The following APLP2 variants were observed in gnomAD, a reference collection of about 807,000 sequenced individuals.
APLP2 encodes the protein CDEI box-binding protein.
APLP2 carries 53 observed loss-of-function variants against 89.9 expected under a neutral mutation model. That is an observed-to-expected ratio of 0.59 (90% CI 0.47 to 0.74). The LOEUF (loss-of-function observed/expected upper bound fraction) is 0.74, where lower values mean the gene tolerates loss of function less well. Ranked by LOEUF, APLP2 falls within the 30% of genes least tolerant of loss-of-function variation. APLP2 has a pLI of 0.00. For synonymous variants in APLP2, 372 were observed against 348.6 expected, an observed-to-expected ratio of 1.07 and a Z score of -0.75; for missense variants, 973 against 975.9, an observed-to-expected ratio of 1.00 and a Z score of 0.04.
Position 130,076,902 on chromosome 11 carries a change from C to T in APLP2, c.105+6820C>T, listed in dbSNP as rs528544033. Among the ~76,000 whole-genome samples, 10 of 152,328 alleles carry T rather than the reference C, an allele frequency of 6.6e-5. No individual in the cohort carries two copies. In the South Asian group the frequency reaches 2.1e-3, roughly 32 times the overall value. On this transcript the variant is annotated intron_variant, in intron 1 of 16. Transcript: ENST00000338167. Reference sequence around the variant, plus strand: ...GCAAGCCTTGGCAAGGGGAATGGTACTGCCTCCACAGGCTTTGACTTCTCA... The same window carrying T: ...GCAAGCCTTGGCAAGGGGAATGGTATTGCCTCCACAGGCTTTGACTTCTCA...
rs749264722 is a variant in APLP2 at position 130,130,147 on chromosome 11, C to T, written c.1565C>T (p.Ala522Val). 6.2e-6 allele frequency: 10 copies of T among 1,614,230 alleles called. No individual in the cohort carries two copies. The highest frequency in any genetic ancestry group is 1.3e-5 in the African/African-American group (1 of 75,066). Residue 522 changes from alanine to valine, a missense_variant, in exon 11 of 17, where the codon GCG becomes GTG. Transcript: ENST00000338167. ...GTGTTGGCTGTTGACCCAGAAAAGG[C>T]GGCCCAGATGAAATCCCAGGTACAG... ...QHVLAVDPEK[A>V]AQMKSQVMTH...
chr11:130,133,401 G>A (rs1951155868), intron 11 of APLP2, among the ~76,000 whole-genome samples: 1 of 152,188 alleles, frequency 6.6e-6, no homozygotes, highest in East Asian at 1.9e-4. Context: ...GGAATTACAG[G>A]TGTGAGCCAC....
At chr11:130,075,432 C>T (rs796299692) in intron 1 of APLP2, among the ~76,000 whole-genome samples, 5 of 152,246 alleles carry the variant, frequency 3.3e-5, no homozygotes, top group African/African-American at 1.2e-4. Flanking sequence ...TTTATTAAAC[C>T]TGTTACATGG....
At chr11:130,081,284 T>C (rs1355938437) in intron 1 of APLP2, among the ~76,000 whole-genome samples, 1 of 152,228 alleles carries the variant, frequency 6.6e-6, no homozygotes, top group Non-Finnish European at 1.5e-5. Context: ...ATGTACAACA[T>C]TCATCCCTCT....
At chr11:130,113,321 G>A (rs1477865782) in intron 3 of APLP2, among the ~76,000 whole-genome samples, 1 of 152,168 alleles carries the variant, frequency 6.6e-6, no homozygotes, top group Admixed American at 6.5e-5. Context: ...GCATGTTACA[G>A]AACCAAGCAA....
At chr11:130,097,919 A>G (rs1424499230) in intron 1 of APLP2, among the ~76,000 whole-genome samples, 1 of 152,202 alleles carries the variant, frequency 6.6e-6, no homozygotes, top group Non-Finnish European at 1.5e-5. Context: ...GTTATTCTTC[A>G]GCAAGGACCA....
intron 1 of APLP2, among the ~76,000 whole-genome samples, chr11:130,084,282 G>T (rs972294839): frequency 6.6e-6 from 1 of 150,800 alleles, no homozygotes. Flanking sequence ...TCTTTTGAGG[G>T]TATCATATTA....
intron 1 of APLP2, among the ~76,000 whole-genome samples, chr11:130,088,817 G>A (rs529156754): frequency 1.2e-4 from 18 of 151,628 alleles, no homozygotes; most frequent in Non-Finnish European, 2.4e-4. Flanking sequence ...AAATAGGGAC[G>A]GCCTTCTTTT....
At chr11:130,135,174 G>A (rs1279447420) in intron 12 of APLP2, among the ~76,000 whole-genome samples, 1 of 152,094 alleles carries the variant, frequency 6.6e-6, no homozygotes, top group Non-Finnish European at 1.5e-5. Context: ...AAAATTTGCC[G>A]AGAGTAGATT....
intron 7 of APLP2, 41 bp from the exon 8 acceptor site, chr11:130,126,659 A>G: frequency 6.2e-7 from 1 of 1,611,026 alleles, no homozygotes; most frequent in Non-Finnish European, 8.5e-7. Flanking sequence ...AGCACAGTGC[A>G]TCTGATCCCA....
At chr11:130,108,222 A>C (rs1046163289) in intron 1 of APLP2, among the ~76,000 whole-genome samples, 4 of 152,218 alleles carry the variant, frequency 2.6e-5, no homozygotes, top group African/African-American at 9.6e-5. Flanking sequence ...AATGGGATCT[A>C]ATTAAACTAA....
intron 1 of APLP2, among the ~76,000 whole-genome samples, chr11:130,091,543 C>A (rs1945205711): frequency 7.0e-6 from 1 of 142,514 alleles, no homozygotes; most frequent in Non-Finnish European, 1.5e-5. Context: ...GGGCGGGGGG[C>A]TGACCCCCCC....
At chr11:130,070,251 G>A (rs1940651048) in intron 1 of APLP2, among the ~76,000 whole-genome samples, 169 bp downstream of exon 1, 1 of 150,948 alleles carries the variant, frequency 6.6e-6, no homozygotes, top group Non-Finnish European at 1.5e-5. Flanking sequence ...GCTTGGCGCA[G>A]TGCTTAGCGC....
At chr11:130,117,086 G>A (rs2135894731) in intron 3 of APLP2, among the ~76,000 whole-genome samples, 1 of 152,064 alleles carries the variant, frequency 6.6e-6, no homozygotes, top group South Asian at 2.1e-4. Flanking sequence ...AGCCAAGATT[G>A]TGCCACTGTA....
At chr11:130,140,613 T>C (rs984349876) in intron 14 of APLP2, 130 bp downstream of exon 14, 27 of 594,378 alleles carry the variant, frequency 4.5e-5, no homozygotes, top group Non-Finnish European at 7.3e-5. Context: ...GTTGGAGGGC[T>C]CCAACGGCTC....
chr11:130,095,199 G>C (rs1946036298), intron 1 of APLP2, among the ~76,000 whole-genome samples: 1 of 152,062 alleles, frequency 6.6e-6, no homozygotes. Context: ...GTAAGATTCT[G>C]TCTCTACAAA....
chr11:130,130,564 G>A (rs901715935), intron 11 of APLP2, among the ~76,000 whole-genome samples: 6 of 152,118 alleles, frequency 3.9e-5, no homozygotes, highest in African/African-American at 1.2e-4. Context: ...GTTTTGTCCA[G>A]CTTTACTTTC....
intron 1 of APLP2, among the ~76,000 whole-genome samples, chr11:130,079,935 T>C (rs998726406): frequency 5.3e-5 from 8 of 152,234 alleles, no homozygotes; most frequent in Non-Finnish European, 1.2e-4. Flanking sequence ...TGAATGAATG[T>C]TGAGTTTTTT....
In APLP2 at chr11:130,110,834, A is replaced by AC. The variant is rs1284945011; in HGVS notation, c.403+175dup. On this transcript the variant is annotated intron_variant, in intron 3 of 16. Coordinates refer to ENST00000338167, the MANE Select transcript of APLP2 (RefSeq NM_001142276.2). ...TGCTGGCTTCGAGTGTCAGTGGTTG[A>AC]CCTCCTCTCAGTGATGGCTAACTCT... Among the ~76,000 whole-genome samples the AC allele has an allele frequency of 3.3e-5, 5 of 151,294 alleles. No homozygotes were observed. The South Asian group carries it at 8.4e-4, about 25-fold the overall frequency.
Sources: allele counts gnomAD v4.1 joint callset (sites outside exome capture counted in the v4.1 genomes callset), GRCh38; gene constraint gnomAD v4.1.1; transcripts MANE v1.5; gene names NCBI Gene and HGNC (gene_info 2026-07-23, HGNC 2026-07-21).